The following ZNF385D variants were observed in gnomAD, a reference collection of about 807,000 sequenced individuals.
The protein encoded by ZNF385D is zinc finger protein 659.
In ZNF385D, 15 loss-of-function variants were observed where a neutral mutation model predicts 35.8. That is an observed-to-expected ratio of 0.42 (90% CI 0.28 to 0.64). The LOEUF is 0.64. Among genes scored for constraint, ZNF385D ranks in the 30% least tolerant of loss-of-function variants. ZNF385D has a pLI of 0.23. For missense variants in ZNF385D, 474 were observed against 494.6 expected, an observed-to-expected ratio of 0.96 and a Z score of 0.39; for synonymous variants, 212 against 186.8, an observed-to-expected ratio of 1.13 and a Z score of -1.10.
At chr3:22,110,899 G>A (rs1033750967) in intron 3 of ZNF385D, among the ~76,000 whole-genome samples, 5 of 152,034 alleles carry the variant, frequency 3.3e-5, no homozygotes, top group African/African-American at 1.2e-4. Flanking sequence ...GTATAATTTA[G>A]CTGAGAGTCT....
intron 3 of ZNF385D, among the ~76,000 whole-genome samples, chr3:22,106,884 G>C (rs1484563323): frequency 6.6e-6 from 1 of 152,114 alleles, no homozygotes; most frequent in South Asian, 2.1e-4. Context: ...TTCTTCATAA[G>C]AGTGGTCACC....
At chr3:22,370,163 T>C (rs1421599437) in intron 2 of ZNF385D, among the ~76,000 whole-genome samples, 1 of 152,176 alleles carries the variant, frequency 6.6e-6, no homozygotes, top group Non-Finnish European at 1.5e-5. Flanking sequence ...TACCTCTTAA[T>C]GGAAATTTAA....
chr3:22,332,281 A>G (rs1057338248), intron 2 of ZNF385D, among the ~76,000 whole-genome samples: 2 of 152,146 alleles, frequency 1.3e-5, no homozygotes, highest in African/African-American at 4.8e-5. Flanking sequence ...TAGCAGGTTT[A>G]TTTGTAAATC....
At chr3:22,207,195 T>C (rs1697212541) in intron 2 of ZNF385D, among the ~76,000 whole-genome samples, 1 of 151,872 alleles carries the variant, frequency 6.6e-6, no homozygotes, top group African/African-American at 2.4e-5. Flanking sequence ...CCTACCAAGA[T>C]TGTATGCAGT....
chr3:22,206,648 G>GA (rs1697176152), intron 2 of ZNF385D, among the ~76,000 whole-genome samples: 1 of 151,684 alleles, frequency 6.6e-6, no homozygotes, highest in African/African-American at 2.4e-5. Context: ...ACAAATGAGT[G>GA]AAAATTAAAC....
intron 3 of ZNF385D, among the ~76,000 whole-genome samples, chr3:22,023,472 C>G: frequency 6.6e-6 from 1 of 152,132 alleles, no homozygotes; most frequent in East Asian, 1.9e-4. Flanking sequence ...CTGATTTCTT[C>G]TTTCAAATTA....
upstream of ZNF385D, among the ~76,000 whole-genome samples, chr3:21,754,260 G>C (rs1163595100): frequency 6.6e-6 from 1 of 152,122 alleles, no homozygotes; most frequent in African/African-American, 2.4e-5. Flanking sequence ...GTGCCTGAGA[G>C]ATGCTTTCAT....
chr3:21,684,518 A>T (rs1248781301), intron 1 of ZNF385D, among the ~76,000 whole-genome samples: 1 of 151,230 alleles, frequency 6.6e-6, no homozygotes, highest in Non-Finnish European at 1.5e-5. Flanking sequence ...GGAACCCTTT[A>T]AAAAATCTTT....
chr3:22,200,987 A>G lies in ZNF385D; in HGVS notation c.107-31952T>C, dbSNP rs185139687. On this transcript the variant is annotated intron_variant, in intron 2 of 5. Transcript: ENST00000494108. Reference sequence around the variant, plus strand: ...TATTGTTCAAACACACATGCTGTACAATTTGTACAGTTAATGCAATTATTA... The same window carrying G: ...TATTGTTCAAACACACATGCTGTACGATTTGTACAGTTAATGCAATTATTA... 3.1e-3 allele frequency among the ~76,000 whole-genome samples: 469 copies of G among 152,180 alleles called. 1 individual carries two copies. The highest frequency in any genetic ancestry group is 0.011 in the African/African-American group (446 of 41,524).
chr3:22,370,725 G>A lies in ZNF385D; in HGVS notation c.106+1725C>T, dbSNP rs568951561. Among the ~76,000 whole-genome samples the A allele has an allele frequency of 5.3e-5, 8 of 152,232 alleles. No individual in the cohort carries two copies. In the East Asian group the frequency reaches 9.7e-4, roughly 18 times the overall value. On this transcript the variant is annotated intron_variant, in intron 2 of 5. Coordinates refer to the ZNF385D transcript ENST00000494108. ...TCTAAATCTCCTTTTCCTTGTCTAC[G>A]GAATGGAGATGGTAACAACGCCACC...
intron 3 of ZNF385D, among the ~76,000 whole-genome samples, chr3:21,971,630 T>G (rs1703263369): frequency 6.6e-6 from 1 of 151,290 alleles, no homozygotes; most frequent in African/African-American, 2.4e-5. Flanking sequence ...TAGCATTTAA[T>G]GTAAACAGAC....
chr3:22,311,014 G>T (rs556071700), intron 2 of ZNF385D, among the ~76,000 whole-genome samples: 1 of 151,610 alleles, frequency 6.6e-6, no homozygotes, highest in Non-Finnish European at 1.5e-5. Flanking sequence ...ACGATGAATT[G>T]AATCATATGA....
chr3:21,803,628 G>T (rs191718770), intron 3 of ZNF385D, among the ~76,000 whole-genome samples: 6 of 152,210 alleles, frequency 3.9e-5, no homozygotes, highest in Admixed American at 1.3e-4. Context: ...GGACATAAAA[G>T]CTATATATAT....
At chr3:21,912,825 C>T (rs183115929) in intron 3 of ZNF385D, among the ~76,000 whole-genome samples, 48 of 152,064 alleles carry the variant, frequency 3.2e-4, no homozygotes, top group Non-Finnish European at 6.2e-4. Flanking sequence ...ATTATTGGTC[C>T]CTTTATTTCT....
At chr3:22,015,453 C>T (rs1054686403) in intron 3 of ZNF385D, among the ~76,000 whole-genome samples, 2 of 152,202 alleles carry the variant, frequency 1.3e-5, no homozygotes, top group African/African-American at 4.8e-5. Flanking sequence ...TTCCTTGCCA[C>T]CATCCTTGGG....
At chr3:21,531,656 A>G (rs888044439) in intron 3 of ZNF385D, among the ~76,000 whole-genome samples, 3 of 152,218 alleles carry the variant, frequency 2.0e-5, no homozygotes, top group Non-Finnish European at 2.9e-5. Context: ...AGAAAGCTAC[A>G]TACTGTATGA....
intron 2 of ZNF385D, among the ~76,000 whole-genome samples, chr3:21,608,012 C>CTTTTTT (rs368555930): frequency 3.1e-4 from 38 of 123,964 alleles, no homozygotes; most frequent in African/African-American, 1.2e-3. Flanking sequence ...TCTTTTTCTT[C>CTTTTTT]TTTTTTTTTT....
intron 3 of ZNF385D, among the ~76,000 whole-genome samples, chr3:22,015,294 T>C (rs933581462): frequency 6.6e-6 from 1 of 152,154 alleles, no homozygotes; most frequent in Non-Finnish European, 1.5e-5. Flanking sequence ...GCTAAATAGA[T>C]TGCAAACATG....
intron 3 of ZNF385D, among the ~76,000 whole-genome samples, chr3:22,138,013 G>A (rs912451341): frequency 1.3e-4 from 20 of 152,126 alleles, no homozygotes; most frequent in African/African-American, 3.6e-4. Flanking sequence ...ATAAGCAATC[G>A]TATACACCAA....
Sources: allele counts gnomAD v4.1 joint callset (sites outside exome capture counted in the v4.1 genomes callset), GRCh38; gene constraint gnomAD v4.1.1; transcripts MANE v1.5; gene names NCBI Gene and HGNC (gene_info 2026-07-23, HGNC 2026-07-21).